Variants in FNDC3B observed in about 807,000 individuals in gnomAD.
FNDC3B encodes the protein fibronectin type III domain containing 3B.
FNDC3B carries 12 observed loss-of-function variants against 151.5 expected under a neutral mutation model. That is an observed-to-expected ratio of 0.08 (90% CI 0.05 to 0.13). The LOEUF is 0.13. FNDC3B is among the 10% of genes least tolerant of loss of function. FNDC3B has a pLI of 1.00. For missense variants in FNDC3B, 1,214 were observed against 1,505.3 expected (o/e 0.81, Z 3.20); for synonymous variants, 528 against 549.0 (o/e 0.96, Z 0.54).
intron 3 of FNDC3B, among the ~76,000 whole-genome samples, chr3:172,157,944 A>G (rs759491788): frequency 6.6e-6 from 1 of 152,192 alleles, no homozygotes; most frequent in Non-Finnish European, 1.5e-5. Context: ...TGATTTTATC[A>G]TGAGGACTCA....
intron 3 of FNDC3B, among the ~76,000 whole-genome samples, chr3:172,181,827 CAAAAAA>C (rs747723219): frequency 8.1e-5 from 5 of 61,598 alleles, no homozygotes; most frequent in East Asian, 5.7e-4. Context: ...GACTCCATCT[CAAAAAA>C]AAAAAAAAAA....
At chr3:172,264,583 A>G (rs1728823785) in intron 6 of FNDC3B, among the ~76,000 whole-genome samples, 1 of 152,186 alleles carries the variant, frequency 6.6e-6, no homozygotes, top group South Asian at 2.1e-4. Flanking sequence ...AAGACTTGCC[A>G]TATTTATCAT....
chr3:172,257,179 G>T (rs4894533), intron 6 of FNDC3B, among the ~76,000 whole-genome samples: 4 of 151,980 alleles, frequency 2.6e-5, no homozygotes, highest in Admixed American at 6.5e-5. Context: ...CCAAAGTGCT[G>T]GGATTACAGG....
chr3:172,184,803 C>T (rs1724088810), intron 3 of FNDC3B, among the ~76,000 whole-genome samples: 1 of 152,182 alleles, frequency 6.6e-6, no homozygotes, highest in Admixed American at 6.5e-5. Flanking sequence ...AGGTTCTCCC[C>T]TTTCTTTCAG....
intron 11 of FNDC3B, among the ~76,000 whole-genome samples, chr3:172,323,667 G>A (rs528749324): frequency 6.6e-6 from 1 of 152,304 alleles, no homozygotes; most frequent in African/African-American, 2.4e-5. Flanking sequence ...GCCACATAGT[G>A]CTTTTTATAT....
intron 1 of FNDC3B, among the ~76,000 whole-genome samples, chr3:172,091,462 G>T (rs1718820685): frequency 6.6e-6 from 1 of 152,196 alleles, no homozygotes; most frequent in Non-Finnish European, 1.5e-5. Context: ...GAAAAAATAT[G>T]ATTAGAAATT....
chr3:172,385,377 A>G (rs1288660124), intron 25 of FNDC3B, among the ~76,000 whole-genome samples: 1 of 152,048 alleles, frequency 6.6e-6, no homozygotes, highest in African/African-American at 2.4e-5. Context: ...TGTGTTATTC[A>G]TTTTTATTTT....
Position 172,344,342 on chromosome 3 carries a change from T to G in FNDC3B, c.2250+84T>G, listed in dbSNP as rs1011342691. The G allele has an allele frequency of 3.1e-6, 4 of 1,302,082 alleles. No homozygotes were observed. In the African/African-American group the frequency reaches 4.5e-5, roughly 15 times the overall value. The allele number at this position is 1,302,082 out of a possible 1,614,324, so 80.7% of individuals were successfully genotyped here. On this transcript the variant is annotated intron_variant, in intron 19 of 25. Coordinates refer to ENST00000415807, the MANE Select transcript of FNDC3B (RefSeq NM_022763.4). ...GCTAGCACTTCTGTCTCTAGCCTCC[T>G]GAAATTTTTGACAGTCTTGATGCAA...
intron 3 of FNDC3B, among the ~76,000 whole-genome samples, chr3:172,216,819 G>T (rs569174894): frequency 1.3e-5 from 2 of 152,190 alleles, no homozygotes; most frequent in Non-Finnish European, 2.9e-5. Context: ...CAGCTTCACC[G>T]TCACTCTGGA....
rs537015626 is a variant in FNDC3B, at chr3:172,355,721, C to T, written c.2795+2638C>T. On this transcript the variant is annotated intron_variant, in intron 22 of 25. Transcript: ENST00000415807. ...CCCAGAGGGGGCCTAAACATCATTA[C>T]GTTATAATGTCAGCTGTCTCTTATT... Among the ~76,000 whole-genome samples the T allele has an allele frequency of 1.0e-3, 153 of 152,320 alleles. 1 individual carries two copies. Among genetic ancestry groups the T allele is most frequent in the African/African-American group, 3.5e-3 (145 of 41,572 alleles).
chr3:172,399,770 T>C lies in FNDC3B; in HGVS notation c.*2295T>C, dbSNP rs1261598117. On this transcript the variant is annotated 3_prime_UTR_variant, in exon 26 of 26. Transcript: ENST00000415807. Reference sequence around the variant, plus strand: ...GAGTACAAAGCCCCCTCTTGGGGGGTTGGGGAAGTCTCTTTTTTGAAACAC... The same window carrying C: ...GAGTACAAAGCCCCCTCTTGGGGGGCTGGGGAAGTCTCTTTTTTGAAACAC... 6.6e-6 allele frequency: 1 copy of C among 152,428 alleles called. No individual in the cohort carries two copies. Among genetic ancestry groups the C allele is most frequent in the Non-Finnish European group, 1.5e-5 (1 of 68,008 alleles). The allele number at this position is 152,428 out of a possible 1,614,324, so 9.4% of individuals were successfully genotyped here. A position where few individuals can be genotyped will look rare whatever the true frequency, so the allele number is the denominator to read the frequency against.
intron 1 of FNDC3B, among the ~76,000 whole-genome samples, chr3:172,111,298 T>G (rs1454866909): frequency 6.6e-6 from 1 of 152,174 alleles, no homozygotes; most frequent in East Asian, 1.9e-4. Flanking sequence ...TTATCTTAAT[T>G]TTAATTGTAA....
At chr3:172,107,126 C>A (rs944920700) in intron 1 of FNDC3B, among the ~76,000 whole-genome samples, 1 of 152,136 alleles carries the variant, frequency 6.6e-6, no homozygotes, top group South Asian at 2.1e-4. Flanking sequence ...CAAGTGCCCA[C>A]GTGGCAGCCT....
intron 1 of FNDC3B, among the ~76,000 whole-genome samples, chr3:172,089,768 A>G (rs532627080): frequency 6.6e-6 from 1 of 152,304 alleles, no homozygotes; most frequent in Non-Finnish European, 1.5e-5. Context: ...AAATCTCTTG[A>G]ATAGCTCAAT....
At chr3:172,228,318 G>GCTC (rs1261850806) in intron 4 of FNDC3B, among the ~76,000 whole-genome samples, 1 of 152,154 alleles carries the variant, frequency 6.6e-6, no homozygotes, top group Non-Finnish European at 1.5e-5. Context: ...TATGTCTCCT[G>GCTC]CTCATGTATT....
chr3:172,243,453 A>G (rs534408708), intron 4 of FNDC3B, among the ~76,000 whole-genome samples: 4 of 151,766 alleles, frequency 2.6e-5, no homozygotes, highest in African/African-American at 7.3e-5. Context: ...AGGAGGACCA[A>G]GTCACATCTT....
chr3:172,055,925 C>T (rs1247798499), intron 1 of FNDC3B, among the ~76,000 whole-genome samples: 1 of 152,020 alleles, frequency 6.6e-6, no homozygotes, highest in African/African-American at 2.4e-5. Context: ...GGACTATAGG[C>T]GCCCGCCACC....
chr3:172,069,793 G>A (rs751894384), intron 1 of FNDC3B, among the ~76,000 whole-genome samples: 13 of 152,202 alleles, frequency 8.5e-5, no homozygotes, highest in Non-Finnish European at 1.9e-4. Flanking sequence ...TAGGGGAATA[G>A]CCTAAAGCCA....
chr3:172,061,650 A>C (rs1717207041), intron 1 of FNDC3B, among the ~76,000 whole-genome samples: 1 of 152,226 alleles, frequency 6.6e-6, no homozygotes, highest in Admixed American at 6.5e-5. Context: ...GGTTATATAA[A>C]GCAAGAATGA....
Sources: allele counts gnomAD v4.1 joint callset (sites outside exome capture counted in the v4.1 genomes callset), GRCh38; gene constraint gnomAD v4.1.1; transcripts MANE v1.5; gene names NCBI Gene and HGNC (gene_info 2026-07-23, HGNC 2026-07-21).